Variants in AUTS2 observed in about 807,000 individuals in gnomAD.
The protein encoded by AUTS2 is activator of transcription and developmental regulator AUTS2.
In AUTS2, 17 loss-of-function variants were observed where a neutral mutation model predicts 112.4. The ratio of observed to expected loss-of-function variants is 0.15; its 90% CI spans 0.10 to 0.23. The LOEUF (loss-of-function observed/expected upper bound fraction) is 0.23. Among genes scored for constraint, AUTS2 ranks in the 10% least tolerant of loss-of-function variants. AUTS2 has a pLI of 1.00. For missense variants in AUTS2, 1,510 were observed against 1,701.6 expected, an observed-to-expected ratio of 0.89 and a Z score of 1.98; for synonymous variants, 751 against 702.7, an observed-to-expected ratio of 1.07 and a Z score of -1.09.
chr7:69,610,801 C>A (rs1440990091), intron 1 of AUTS2, among the ~76,000 whole-genome samples: 1 of 152,160 alleles, frequency 6.6e-6, no homozygotes, highest in Non-Finnish European at 1.5e-5. Flanking sequence ...CGTGTCATAA[C>A]CACTTCAGAG....
chr7:70,322,358 C>A (rs1585016402), intron 4 of AUTS2, among the ~76,000 whole-genome samples: 1 of 152,192 alleles, frequency 6.6e-6, no homozygotes, highest in Non-Finnish European at 1.5e-5. Flanking sequence ...CAAGGCTATT[C>A]TTTACTGTCA....
chr7:69,707,915 C>T (rs1409723618), intron 1 of AUTS2, among the ~76,000 whole-genome samples: 2 of 152,192 alleles, frequency 1.3e-5, no homozygotes, highest in Non-Finnish European at 2.9e-5. Flanking sequence ...GTATCATGTA[C>T]AGCCATCCAT....
intron 2 of AUTS2, among the ~76,000 whole-genome samples, chr7:69,993,628 G>A (rs1349374417): frequency 6.6e-6 from 1 of 152,060 alleles, no homozygotes; most frequent in Non-Finnish European, 1.5e-5. Flanking sequence ...CAGCTACTTA[G>A]GAGGCTGAGG....
At chr7:70,546,359 G>A (rs1022834443) in intron 5 of AUTS2, among the ~76,000 whole-genome samples, 7 of 152,160 alleles carry the variant, frequency 4.6e-5, no homozygotes, top group Non-Finnish European at 8.8e-5. Context: ...CAGGAGAATC[G>A]CTTGAACCCG....
chr7:70,694,354 C>T lies in AUTS2; in HGVS notation c.691-4215C>T, dbSNP rs1808938195. Reference sequence around the variant, plus strand: ...TCCTGGGCCGCGCGCCGGCGAGATCCGCACAAAATCCAGACTCCCGGAGCG... The same window carrying T: ...TCCTGGGCCGCGCGCCGGCGAGATCTGCACAAAATCCAGACTCCCGGAGCG... On this transcript the variant is annotated intron_variant, in intron 5 of 18. Transcript: ENST00000342771. The surrounding 1 kb of genome is among the most constrained non-coding windows in gnomAD (Gnocchi z 4.1). The T allele has an allele frequency of 6.7e-6, 1 of 148,906 alleles. No individual in the cohort carries two copies. The highest frequency in any genetic ancestry group is 6.7e-5 in the Admixed American group (1 of 15,030). 9.2% of individuals were successfully genotyped at this position (148,906 alleles called of 1,614,324 possible).
intron 6 of AUTS2, among the ~76,000 whole-genome samples, chr7:70,736,064 A>G (rs566527494): frequency 6.6e-6 from 1 of 152,194 alleles, no homozygotes; most frequent in Admixed American, 6.5e-5. Flanking sequence ...AACTATAACA[A>G]TTAGAATATC....
At chr7:70,245,171 A>ATATATATATAT (rs61292882) in intron 4 of AUTS2, among the ~76,000 whole-genome samples, 201 of 129,508 alleles carry the variant, frequency 1.6e-3, no homozygotes, top group African/African-American at 6.3e-3. Context: ...TATATATATA[A>ATATATATATAT]AAAATAAAAA....
intron 1 of AUTS2, among the ~76,000 whole-genome samples, chr7:69,689,251 G>A (rs1225459030): frequency 6.6e-6 from 1 of 151,474 alleles, no homozygotes; most frequent in Non-Finnish European, 1.5e-5. Flanking sequence ...CTTCCTCAGA[G>A]AGGCTTTCCC....
intron 1 of AUTS2, among the ~76,000 whole-genome samples, chr7:69,667,350 G>GTTTTTTTTTTTTTTTTTTTTTTTTTTT (rs58991076): frequency 7.4e-6 from 1 of 134,438 alleles, no homozygotes. Context: ...GTTTTGTTGT[G>GTTTTTTTTTTTTTTTTTTTTTTTTTTT]TTTTTTTTTT....
intron 1 of AUTS2, among the ~76,000 whole-genome samples, chr7:69,839,682 G>C (rs1183157195): frequency 2.6e-5 from 4 of 152,160 alleles, no homozygotes; most frequent in Non-Finnish European, 5.9e-5. Context: ...TAGTAGAGTA[G>C]TAGGAGTGGG....
chr7:69,821,941 T>C (rs1791018952), intron 1 of AUTS2, among the ~76,000 whole-genome samples: 1 of 144,970 alleles, frequency 6.9e-6, no homozygotes, highest in African/African-American at 2.6e-5. Flanking sequence ...AAAAAAAGTC[T>C]AGTAAGTTTT....
At chr7:69,927,363 T>C (rs1418014286) in intron 2 of AUTS2, among the ~76,000 whole-genome samples, 6 of 151,998 alleles carry the variant, frequency 3.9e-5, no homozygotes, top group Non-Finnish European at 7.4e-5. Context: ...TACTTTTGTA[T>C]TTGTTAAAAA....
intron 5 of AUTS2, among the ~76,000 whole-genome samples, chr7:70,555,404 C>T (rs1801203850): frequency 1.3e-5 from 2 of 152,218 alleles, no homozygotes; most frequent in Admixed American, 1.3e-4. Context: ...AAGTGCAGAA[C>T]TTCTCAAAGC....
chr7:70,494,579 C>T (rs948228354), intron 5 of AUTS2, among the ~76,000 whole-genome samples: 2 of 152,098 alleles, frequency 1.3e-5, no homozygotes, highest in Non-Finnish European at 2.9e-5. Context: ...CCGCCCCTCC[C>T]CCCCGACACT....
intron 4 of AUTS2, among the ~76,000 whole-genome samples, chr7:70,154,079 C>T (rs1255260875): frequency 1.3e-5 from 2 of 152,194 alleles, no homozygotes; most frequent in African/African-American, 2.4e-5. Flanking sequence ...CAATTCAAAC[C>T]TTTGATGAAA....
intron 4 of AUTS2, among the ~76,000 whole-genome samples, chr7:70,376,294 C>G (rs1793079544): frequency 6.6e-6 from 1 of 152,060 alleles, no homozygotes; most frequent in Non-Finnish European, 1.5e-5. Flanking sequence ...TTTGGATTGG[C>G]AAATTTCTTT....
intron 6 of AUTS2, among the ~76,000 whole-genome samples, chr7:70,723,191 T>G (rs1045170992): frequency 3.3e-5 from 5 of 152,214 alleles, no homozygotes; most frequent in African/African-American, 1.2e-4. Flanking sequence ...ACTGAAAGCT[T>G]CTTAGTTTAC....
chr7:69,987,259 C>A (rs1798548711), intron 2 of AUTS2, among the ~76,000 whole-genome samples: 1 of 152,126 alleles, frequency 6.6e-6, no homozygotes, highest in Admixed American at 6.5e-5. Flanking sequence ...GGTAGGAAGA[C>A]TTTTGTAGAT....
At chr7:70,015,975 T>C (rs939157684) in intron 2 of AUTS2, among the ~76,000 whole-genome samples, 2 of 152,142 alleles carry the variant, frequency 1.3e-5, no homozygotes, top group Admixed American at 1.3e-4. Context: ...AGTCTATGTT[T>C]CTAGTAATTG....
Sources: allele counts gnomAD v4.1 joint callset (sites outside exome capture counted in the v4.1 genomes callset), GRCh38; gene constraint gnomAD v4.1.1; non-coding constraint Gnocchi (gnomAD v3.1); transcripts MANE v1.5; gene names NCBI Gene and HGNC (gene_info 2026-07-23, HGNC 2026-07-21).